The following IFNGR2 variants were observed in gnomAD, a reference collection of about 807,000 sequenced individuals.
IFNGR2 encodes IFN-gamma receptor 2.
In IFNGR2, 15 loss-of-function variants were observed where a neutral mutation model predicts 41.1. The observed-to-expected ratio is 0.37, with a 90% CI of 0.24 to 0.56. IFNGR2 has a LOEUF of 0.56. Among genes scored for constraint, IFNGR2 ranks in the 20% least tolerant of loss-of-function variants. The pLI is 0.81. For missense variants in IFNGR2, 362 were observed against 415.7 expected, an observed-to-expected ratio of 0.87 and a Z score of 1.12; for synonymous variants, 161 against 171.6, an observed-to-expected ratio of 0.94 and a Z score of 0.48.
intron 2 of IFNGR2, among the ~76,000 whole-genome samples, chr21:33,419,272 A>AT (rs904506852): frequency 1.3e-5 from 2 of 151,718 alleles, no homozygotes; most frequent in African/African-American, 4.8e-5. Context: ...TGCCTGGCTA[A>AT]TTTTTTTGTA....
chr21:33,436,907 T>A lies in IFNGR2; in HGVS notation c.959T>A (p.Val320Glu). 6.2e-7 allele frequency: 1 copy of A among 1,613,940 alleles called. No homozygotes were observed. Among genetic ancestry groups the A allele is most frequent in the East Asian group, 2.2e-5 (1 of 44,894 alleles). ...SSPKDDVWDS[V>E]SIISFPEKEQ... ...CCAAAGGATGACGTCTGGGACTCTG[T>A]GTCCATTATCTCGTTTCCGGAAAAG... The change falls in exon 7 of 7, where the codon GTG becomes GAG. Residue 320 changes from valine (V) to glutamate (E), a missense_variant. Transcript: ENST00000290219.
At chr21:33,410,751 A>G in intron 1 of IFNGR2, 1 of 920,868 alleles carries the variant, frequency 1.1e-6, no homozygotes. Flanking sequence ...TACAGGCGTG[A>G]GCCACCACGC....
chr21:33,410,767 C>T, intron 1 of IFNGR2: 1 of 1,074,378 alleles, frequency 9.3e-7, no homozygotes, highest in Admixed American at 2.0e-5. Flanking sequence ...CACGCCCATC[C>T]AATTAGAATA....
chr21:33,435,746 G>A (rs2083939803), intron 6 of IFNGR2, among the ~76,000 whole-genome samples: 1 of 152,006 alleles, frequency 6.6e-6, no homozygotes, highest in South Asian at 2.1e-4. Context: ...ACCCAGGCAT[G>A]GTGGCATGCG....
At chr21:33,406,095 G>T (rs2083675586) in intron 1 of IFNGR2, among the ~76,000 whole-genome samples, 1 of 150,886 alleles carries the variant, frequency 6.6e-6, no homozygotes, top group African/African-American at 2.4e-5. Context: ...AGTAGCAGCT[G>T]GGCACGGTGG....
rs191973429 is a variant in IFNGR2, at chr21:33,410,919, C to A, written c.74-3969C>A. 2.6e-3 allele frequency: 3,727 copies of A among 1,446,182 alleles called. 4 individuals carry two copies. The highest frequency in any genetic ancestry group is 3.3e-3 in the Non-Finnish European group (3,485 of 1,051,758). 89.6% of individuals were successfully genotyped at this position (1,446,182 alleles called of 1,614,324 possible). A position where few individuals can be genotyped will look rare whatever the true frequency, so the allele number is the denominator to read the frequency against. On this transcript the variant is annotated intron_variant, in intron 1 of 6. Coordinates refer to ENST00000290219, the MANE Select transcript of IFNGR2 (RefSeq NM_005534.4). The stretch of plus-strand genomic sequence containing the variant: ...TAAGACAAGAGTATCTGGGTGTAAC[C>A]TGTATGAAACCTGCATCTCACAACC...
At position 33,425,337 on chromosome 21, in the gene IFNGR2, CTG is replaced by C. The variant is rs1489475593; in HGVS notation, c.413-1544_413-1543del. Among the ~76,000 whole-genome samples, 4 of 152,188 alleles carry C rather than the reference CTG, an allele frequency of 2.6e-5. No individual in the cohort carries two copies. In the South Asian group the frequency reaches 8.3e-4, roughly 31 times the overall value. Reference sequence around the variant, plus strand: ...CCCTAGAGCCAGCCTTCCTCCAGTGCTGTGAGAGGAGGCAGATTGTTCTCGCC... The same window carrying C: ...CCCTAGAGCCAGCCTTCCTCCAGTGCTGAGAGGAGGCAGATTGTTCTCGCC... On this transcript the variant is annotated intron_variant, in intron 3 of 6. Coordinates refer to ENST00000290219, the MANE Select transcript of IFNGR2 (RefSeq NM_005534.4).
intron 4 of IFNGR2, among the ~76,000 whole-genome samples, chr21:33,430,211 T>C (rs1486628217): frequency 1.3e-5 from 2 of 152,316 alleles, no homozygotes; most frequent in East Asian, 3.9e-4. Flanking sequence ...AATCAGGCCC[T>C]TCAAAGGGCA....
intron 2 of IFNGR2, 38 bp from the exon 3 acceptor site, chr21:33,421,440 CAG>C (rs745445967): frequency 1.2e-4 from 181 of 1,514,802 alleles, no homozygotes; most frequent in Non-Finnish European, 1.6e-4. Flanking sequence ...ACACATGAAA[CAG>C]AGAATTCTGT....
At chr21:33,433,789 A>AT (rs35774330) in intron 6 of IFNGR2, among the ~76,000 whole-genome samples, 86,439 of 149,772 alleles carry the variant, frequency 0.58, 26,348 homozygotes, top group East Asian at 0.8. Flanking sequence ...CCACAATTTA[A>AT]TTTTTTTTTT....
intron 1 of IFNGR2, chr21:33,411,478 G>A (rs1054137063): frequency 2.5e-5 from 12 of 470,830 alleles, no homozygotes; most frequent in East Asian, 6.9e-5. Flanking sequence ...TGTGGAGGGC[G>A]GAATAATGGT....
At chr21:33,403,280 G>T, upstream of IFNGR2, 1 of 159,578 alleles carries the variant, frequency 6.3e-6, no homozygotes, top group Non-Finnish European at 1.4e-5. Flanking sequence ...CGCTGCAGCC[G>T]CAGAGGCCCC....
intron 6 of IFNGR2, among the ~76,000 whole-genome samples, chr21:33,435,764 TC>T (rs1281899188): frequency 6.6e-6 from 1 of 150,412 alleles, no homozygotes; most frequent in Non-Finnish European, 1.5e-5. Context: ...GCGCCTGTAG[TC>T]CCAGCTACTT....
chr21:33,430,717 T>A (rs184257243), intron 4 of IFNGR2, among the ~76,000 whole-genome samples: 47 of 152,296 alleles, frequency 3.1e-4, no homozygotes, highest in Non-Finnish European at 4.3e-4. Flanking sequence ...CCTCCCAAAG[T>A]GCTGGAATTA....
chr21:33,406,098 C>T (rs1190270865), intron 1 of IFNGR2, among the ~76,000 whole-genome samples: 2 of 151,972 alleles, frequency 1.3e-5, no homozygotes, highest in African/African-American at 2.4e-5. Flanking sequence ...AGCAGCTGGG[C>T]ACGGTGGCTC....
Position 33,404,893 on chromosome 21 carries a change from T to C in IFNGR2, c.73+1277T>C, listed in dbSNP as rs17881302. On this transcript the variant is annotated intron_variant, in intron 1 of 6. Coordinates refer to ENST00000290219, the MANE Select transcript of IFNGR2 (RefSeq NM_005534.4). Reference sequence around the variant, plus strand: ...CTGTAATCCCAGCACTTTGGGAGGCTGAGGCAGCATCATGAGGTCAGGAGT... The same window carrying C: ...CTGTAATCCCAGCACTTTGGGAGGCCGAGGCAGCATCATGAGGTCAGGAGT... Among the ~76,000 whole-genome samples the C allele has an allele frequency of 5.1e-3, 769 of 152,178 alleles. 6 individuals are homozygous for C. The highest frequency in any genetic ancestry group is 8.2e-3 in the Non-Finnish European group (557 of 67,988).
intron 1 of IFNGR2, among the ~76,000 whole-genome samples, chr21:33,410,332 A>AT (rs1347552364): frequency 6.6e-6 from 1 of 151,698 alleles, no homozygotes; most frequent in Admixed American, 6.6e-5. Flanking sequence ...ATGCCTGGCT[A>AT]ATTTTTATAT....
intron 3 of IFNGR2, among the ~76,000 whole-genome samples, chr21:33,425,375 G>A (rs907892330): frequency 6.6e-6 from 1 of 152,130 alleles, no homozygotes; most frequent in Non-Finnish European, 1.5e-5. Flanking sequence ...TCTAGATGAG[G>A]TTTACTGGGT....
intron 4 of IFNGR2, among the ~76,000 whole-genome samples, chr21:33,427,932 C>T (rs2083853875): frequency 6.8e-6 from 1 of 148,144 alleles, no homozygotes. Flanking sequence ...GTTTTTACCA[C>T]GTTGGTCAGG....
Sources: allele counts gnomAD v4.1 joint callset (sites outside exome capture counted in the v4.1 genomes callset), GRCh38; gene constraint gnomAD v4.1.1; transcripts MANE v1.5; gene names NCBI Gene and HGNC (gene_info 2026-07-23, HGNC 2026-07-21).